CCDC30: variants seen among roughly 807,000 people sequenced by gnomAD.
The protein encoded by CCDC30 is coiled-coil domain-containing protein 30.
Under a neutral mutation model 100.2 loss-of-function variants are expected in CCDC30, and 70 were observed. The ratio of observed to expected loss-of-function variants is 0.70; its 90% CI spans 0.58 to 0.85. The LOEUF (loss-of-function observed/expected upper bound fraction) is 0.85. CCDC30 is among the 40% of genes least tolerant of loss of function. CCDC30 has a pLI of 0.00. For synonymous variants in CCDC30, 233 were observed against 269.5 expected (o/e 0.86, Z 1.33); for missense variants, 652 against 771.2 (o/e 0.85, Z 1.83).
chr1:42,603,459 A>T (rs935975132), intron 10 of CCDC30, among the ~76,000 whole-genome samples: 6 of 152,214 alleles, frequency 3.9e-5, no homozygotes, highest in Non-Finnish European at 5.9e-5. Flanking sequence ...ATGCGTAAAA[A>T]GGATTTGACA....
At chr1:42,514,270 A>C (rs1365864168) in intron 6 of CCDC30, among the ~76,000 whole-genome samples, 1 of 152,180 alleles carries the variant, frequency 6.6e-6, no homozygotes, top group Non-Finnish European at 1.5e-5. Context: ...TAGAAGTGGA[A>C]TTATTGGGTC....
Position 42,470,179 on chromosome 1 carries a change from AGTATCT to A in CCDC30, c.-92+6283_-92+6288del, listed in dbSNP as rs894488097. 2.8e-4 allele frequency among the ~76,000 whole-genome samples: 43 copies of A among 152,298 alleles called. 1 individual carries two copies. Among genetic ancestry groups the A allele is most frequent in the African/African-American group, 9.9e-4 (41 of 41,540 alleles). ...GAGGGGCAAACAAGTGAAGCCAAAG[AGTATCT>A]GGTAGTTTGAGAGAGGATGTAATGG... is the stretch of plus-strand genomic sequence containing the variant. On this transcript the variant is annotated intron_variant, in intron 1 of 16. Coordinates refer to ENST00000668663, the Ensembl canonical transcript of CCDC30.
intron 7 of CCDC30, among the ~76,000 whole-genome samples, chr1:42,574,192 T>G (rs765490290): frequency 2.8e-4 from 43 of 152,118 alleles, no homozygotes; most frequent in Admixed American, 5.2e-4. Flanking sequence ...GTTACAATGA[T>G]TTCTTCTTAA....
At position 42,480,577 on chromosome 1, in the gene CCDC30, A is replaced by G. The variant is rs1279401609; in HGVS notation, c.15+11A>G. ...ATGCTGGAATTACAGGTGAGCCACC[A>G]CACCCAGGCAAAATGACATTTTTGT... is the stretch of plus-strand genomic sequence containing the variant. On this transcript the variant is annotated intron_variant, in intron 2 of 16. Transcript: ENST00000668663. 1 of 983,260 alleles carries G rather than the reference A, an allele frequency of 1.0e-6. No individual in the cohort carries two copies. Among genetic ancestry groups the G allele is most frequent in the Non-Finnish European group, 1.2e-6 (1 of 828,142 alleles). 60.9% of individuals were successfully genotyped at this position (983,260 alleles called of 1,614,324 possible).
At chr1:42,509,942 G>A (rs1644451317) in intron 6 of CCDC30, 1 of 542,268 alleles carries the variant, frequency 1.8e-6, no homozygotes, top group Non-Finnish European at 2.4e-6. Flanking sequence ...CTTCCTCCAA[G>A]CTCAACTCTA....
At chr1:42,486,126 C>T (rs1644046434) in intron 3 of CCDC30, among the ~76,000 whole-genome samples, 1 of 152,170 alleles carries the variant, frequency 6.6e-6, no homozygotes, top group Non-Finnish European at 1.5e-5. Flanking sequence ...TCCTAGCTAC[C>T]TACCCAGGAG....
intron 7 of CCDC30, among the ~76,000 whole-genome samples, chr1:42,571,850 T>C (rs1357283299): frequency 6.6e-6 from 1 of 152,234 alleles, no homozygotes; most frequent in African/African-American, 2.4e-5. Flanking sequence ...TCTACACACT[T>C]GAGCAGCTTT....
intron 12 of CCDC30, among the ~76,000 whole-genome samples, chr1:42,638,571 AAAAAAG>A (rs1425015723): frequency 4.3e-4 from 65 of 151,516 alleles, no homozygotes; most frequent in Non-Finnish European, 6.9e-4. Flanking sequence ...AAAAAAAAAA[AAAAAAG>A]AAAAGAAAAG....
chr1:42,565,753 G>A (rs1367419202), intron 6 of CCDC30, among the ~76,000 whole-genome samples: 1 of 152,170 alleles, frequency 6.6e-6, no homozygotes, highest in Non-Finnish European at 1.5e-5. Flanking sequence ...GTGTGTGTGT[G>A]TGTACACAAT....
chr1:42,545,489 C>T (rs370695814), intron 6 of CCDC30: 2 of 1,603,772 alleles, frequency 1.2e-6, no homozygotes, highest in Non-Finnish European at 1.7e-6. Context: ...AATTTAATTA[C>T]AAGTGAAAAT....
chr1:42,457,138 C>T, the CCDC30 span: 6 of 1,586,824 alleles, frequency 3.8e-6, no homozygotes, highest in South Asian at 1.2e-5. Context: ...CACTTATCCC[C>T]TTACCTCCTG....
At chr1:42,528,877 T>C (rs1403711773) in intron 6 of CCDC30, among the ~76,000 whole-genome samples, 1 of 152,200 alleles carries the variant, frequency 6.6e-6, no homozygotes. Flanking sequence ...TAAATGAGCA[T>C]CTGTTTTATT....
intron 6 of CCDC30, among the ~76,000 whole-genome samples, chr1:42,554,115 A>T (rs1045007687): frequency 1.3e-5 from 2 of 152,120 alleles, no homozygotes; most frequent in African/African-American, 4.8e-5. Flanking sequence ...TCTTGAGGTC[A>T]CTTTTAAGTT....
chr1:42,456,512 G>A, the CCDC30 span: 4 of 1,431,530 alleles, frequency 2.8e-6, no homozygotes, highest in East Asian at 2.7e-5. Context: ...AGGCGAGAAG[G>A]GGCGTGGCGC....
At chr1:42,598,866 A>C (rs1300767616) in intron 10 of CCDC30, among the ~76,000 whole-genome samples, 1 of 151,996 alleles carries the variant, frequency 6.6e-6, no homozygotes, top group Non-Finnish European at 1.5e-5. Flanking sequence ...TTTGAGACCA[A>C]CCTGGGCAAC....
chr1:42,543,275 C>CTTTTTTT (rs10637500), intron 6 of CCDC30, among the ~76,000 whole-genome samples: 1 of 143,576 alleles, frequency 7.0e-6, no homozygotes, highest in African/African-American at 2.6e-5. Context: ...AACTGGCCTT[C>CTTTTTTT]TTTTTTTTTT....
rs1646289301 is a variant in CCDC30, at chr1:42,596,455, G to C, written c.1164+6972G>C. Among the ~76,000 whole-genome samples, 1 of 151,982 alleles carries C rather than the reference G, an allele frequency of 6.6e-6. No individual in the cohort carries two copies. The highest frequency in any genetic ancestry group is 2.1e-4 in the South Asian group (1 of 4,830). On this transcript the variant is annotated intron_variant, in intron 10 of 16. Coordinates refer to ENST00000668663, the Ensembl canonical transcript of CCDC30. The surrounding 1 kb of genome is among the most constrained non-coding windows in gnomAD (Gnocchi z 4.3). ...GTTGGGGTTTTGTCAGAGTCTAACAGACCTAGCGGAATAGAAATATCCAAC... is the reference window on the plus strand; with the variant it reads ...GTTGGGGTTTTGTCAGAGTCTAACACACCTAGCGGAATAGAAATATCCAAC...
At chr1:42,634,753 G>A (rs1467302620) in intron 11 of CCDC30, among the ~76,000 whole-genome samples, 2 of 152,062 alleles carry the variant, frequency 1.3e-5, no homozygotes, top group African/African-American at 4.8e-5. Context: ...ATAGTTCAAT[G>A]GCTTTTGTCC....
chr1:42,497,539 A>C (rs1644248729), intron 5 of CCDC30, among the ~76,000 whole-genome samples: 1 of 152,210 alleles, frequency 6.6e-6, no homozygotes, highest in Non-Finnish European at 1.5e-5. Context: ...GATAAGTTTA[A>C]GATTATTAAT....
Sources: gnomAD v4.1 joint callset for allele counts (sites outside exome capture counted in the v4.1 genomes callset) on GRCh38, gnomAD v4.1.1 for gene constraint, Gnocchi (gnomAD v3.1) non-coding constraint, MANE v1.5 for transcripts, NCBI Gene and HGNC (gene_info 2026-07-23, HGNC 2026-07-21) for gene names.